The following ZC3H3 variants were observed in gnomAD, a reference collection of about 807,000 sequenced individuals.
ZC3H3 encodes the protein zinc finger CCCH domain-containing protein 3.
In ZC3H3, 36 loss-of-function variants were observed where a neutral mutation model predicts 77.3. The ratio of observed to expected loss-of-function variants is 0.47; its 90% CI spans 0.36 to 0.61. The LOEUF (loss-of-function observed/expected upper bound fraction) is 0.61. ZC3H3 is among the 20% of genes least tolerant of loss of function. The probability of loss-of-function intolerance (pLI) is 0.00; values close to 1 mark genes in which losing one functional copy is unlikely to be tolerated. For synonymous variants in ZC3H3, 626 were observed against 555.2 expected (o/e 1.13, Z -1.79); for missense variants, 1,331 against 1,312.2 (o/e 1.01, Z -0.22).
chr8:143,440,515 C>G lies in ZC3H3; in HGVS notation c.2493-152G>C, dbSNP rs1402352258. The G allele has an allele frequency of 2.3e-5, 32 of 1,384,574 alleles. 1 individual carries two copies. In the South Asian group the frequency reaches 5.6e-4, roughly 24 times the overall value. 85.8% of individuals were successfully genotyped at this position (1,384,574 alleles called of 1,614,324 possible). A position where few individuals can be genotyped will look rare whatever the true frequency, so the allele number is the denominator to read the frequency against. ...GCACAGGTCAGGCCTGGCCCTTGGCCGCAAGGACAGGCTGGGTGCAGGGAT... is the reference window on the plus strand; with the variant it reads ...GCACAGGTCAGGCCTGGCCCTTGGCGGCAAGGACAGGCTGGGTGCAGGGAT... On this transcript the variant is annotated intron_variant, in intron 10 of 11. Transcript: ENST00000262577.
At chr8:143,520,600 T>C (rs1822210979) in intron 3 of ZC3H3, among the ~76,000 whole-genome samples, 1 of 152,162 alleles carries the variant, frequency 6.6e-6, no homozygotes, top group Non-Finnish European at 1.5e-5. Flanking sequence ...AGCTTCTGGC[T>C]GGAGCCAAGT....
chr8:143,520,632 G>A (rs1822212103), intron 3 of ZC3H3, among the ~76,000 whole-genome samples: 1 of 152,200 alleles, frequency 6.6e-6, no homozygotes, highest in South Asian at 2.1e-4. Flanking sequence ...CAATCCTCAG[G>A]CAGAGCCCAG....
chr8:143,507,921 C>T lies in ZC3H3; in HGVS notation c.1562-22G>A. On this transcript the variant is annotated intron_variant, in intron 3 of 11. Coordinates refer to ENST00000262577, the MANE Select transcript of ZC3H3 (RefSeq NM_015117.3). ...GACGCTGTAGAGAAAACCCAGGGCA[C>T]AGACATGGGTCAGGGAAGGCCGGCA... 5 of 1,564,278 alleles carry T rather than the reference C, an allele frequency of 3.2e-6. No homozygotes were observed. In the East Asian group the frequency reaches 7.1e-5, roughly 22 times the overall value.
intron 11 of ZC3H3, among the ~76,000 whole-genome samples, chr8:143,439,782 T>A (rs575624336): frequency 4.4e-4 from 67 of 152,004 alleles, no homozygotes; most frequent in Non-Finnish European, 8.1e-4. Context: ...TGAGGGGGCA[T>A]TTAAAGCTCC....
At chr8:143,529,214 G>A (rs1822519360) in intron 3 of ZC3H3, among the ~76,000 whole-genome samples, 1 of 152,158 alleles carries the variant, frequency 6.6e-6, no homozygotes, top group African/African-American at 2.4e-5. Context: ...CCCATGCACT[G>A]GAATCCACAG....
intron 9 of ZC3H3, among the ~76,000 whole-genome samples, chr8:143,448,090 C>A (rs540682047): frequency 1.3e-5 from 2 of 152,040 alleles, no homozygotes; most frequent in African/African-American, 4.8e-5. Context: ...AGTGCCATTG[C>A]GCTCCAGCCT....
chr8:143,539,440 C>T (rs1822936837), intron 1 of ZC3H3, 120 bp from the exon 2 acceptor site: 1 of 1,098,592 alleles, frequency 9.1e-7, no homozygotes, highest in Non-Finnish European at 1.3e-6. Context: ...TGAGCCCCTG[C>T]CAGTTTCAGG....
At chr8:143,501,914 G>A (rs1821537720) in intron 4 of ZC3H3, among the ~76,000 whole-genome samples, 3 of 152,256 alleles carry the variant, frequency 2.0e-5, no homozygotes, top group Non-Finnish European at 4.4e-5. Flanking sequence ...CTCGAAACCC[G>A]ATGCTGAAGC....
At position 143,475,424 on chromosome 8, in the gene ZC3H3, G is replaced by A. The variant is rs373613798; in HGVS notation, c.1877C>T (p.Ala626Val). Residue 626 changes from alanine (A) to valine (V), a missense_variant, in exon 5 of 12, where the codon GCG becomes GTG. Physicochemically the swap from Ala to Val is moderately conservative, Grantham distance 64. Transcript: ENST00000262577. ...TGTGCGCAGGAGGGGCCTGCTGCCC[G>A]CATCACTGGGCTGGCCGGAGGTCTT... Reference protein sequence around the residue: ...LSKTSGQPSDAGSRPLLRTGR... With the variant: ...LSKTSGQPSDVGSRPLLRTGR... 103 of 1,612,946 alleles carry A rather than the reference G, an allele frequency of 6.4e-5. No individual in the cohort carries two copies. The highest frequency in any genetic ancestry group is 5.3e-4 in the African/African-American group (40 of 75,056).
chr8:143,445,384 G>GA (rs553654651), intron 9 of ZC3H3, among the ~76,000 whole-genome samples: 205 of 19,192 alleles, frequency 0.011, no homozygotes, highest in Middle Eastern at 0.036. Context: ...TTTGTCTTAA[G>GA]AAAAAAAAAA....
At position 143,536,363 on chromosome 8, in the gene ZC3H3, C is replaced by G; in HGVS notation, c.1455G>C (p.Lys485Asn). 1 of 1,601,658 alleles carries G rather than the reference C, an allele frequency of 6.2e-7. No individual in the cohort carries two copies. Among genetic ancestry groups the G allele is most frequent in the Non-Finnish European group, 8.5e-7 (1 of 1,174,246 alleles). The part of the protein sequence containing the change: ...SLRRRQALRG[K>N]SSPVLKKTPN... ...GGGTCTTCTTCAGGACAGGGCTGCT[C>G]TTCCCCCTGAGGGCCTGTCTCCGCC... Residue 485 changes from lysine to asparagine, a missense_variant, in exon 3 of 12, where the codon AAG (lysine) becomes AAC (asparagine). Lys to Asn is a moderately conservative substitution (Grantham distance 94). Transcript: ENST00000262577.
At chr8:143,452,585 T>C (rs1820016618) in intron 9 of ZC3H3, among the ~76,000 whole-genome samples, 1 of 151,530 alleles carries the variant, frequency 6.6e-6, no homozygotes, top group Non-Finnish European at 1.5e-5. Context: ...CTACATGCAA[T>C]ACAAACATGC....
At chr8:143,488,494 C>T (rs888120240) in intron 4 of ZC3H3, among the ~76,000 whole-genome samples, 1 of 149,548 alleles carries the variant, frequency 6.7e-6, no homozygotes. Flanking sequence ...GAACAGCACC[C>T]GCTACACGGC....
At chr8:143,441,408 G>A (rs1476876154) in intron 9 of ZC3H3, among the ~76,000 whole-genome samples, 2 of 152,190 alleles carry the variant, frequency 1.3e-5, no homozygotes, top group Admixed American at 6.5e-5. Flanking sequence ...AGAGCCTGCA[G>A]CCAGGCCATG....
chr8:143,470,715 T>TA (rs1365154689), intron 5 of ZC3H3, among the ~76,000 whole-genome samples: 1 of 152,136 alleles, frequency 6.6e-6, no homozygotes, highest in African/African-American at 2.4e-5. Context: ...TTGTGCTCTT[T>TA]AAAAAAATGC....
intron 3 of ZC3H3, among the ~76,000 whole-genome samples, chr8:143,528,695 G>A (rs1235572821): frequency 2.6e-5 from 4 of 152,214 alleles, no homozygotes; most frequent in Non-Finnish European, 4.4e-5. Flanking sequence ...TTTTCCTCCT[G>A]GTGGGCAGCC....
At chr8:143,446,530 T>C (rs1443667342) in intron 9 of ZC3H3, among the ~76,000 whole-genome samples, 2 of 151,834 alleles carry the variant, frequency 1.3e-5, no homozygotes, top group Admixed American at 1.3e-4. Context: ...ATTCCAAAAA[T>C]CACCAAAAAG....
intron 5 of ZC3H3, among the ~76,000 whole-genome samples, chr8:143,472,811 A>T (rs1820611167): frequency 6.6e-6 from 1 of 152,198 alleles, no homozygotes; most frequent in Non-Finnish European, 1.5e-5. Context: ...TGCAGGGAGA[A>T]TCCCAAGGAC....
chr8:143,522,102 T>C (rs1211502788), intron 3 of ZC3H3, among the ~76,000 whole-genome samples: 3 of 152,186 alleles, frequency 2.0e-5, no homozygotes, highest in Admixed American at 2.0e-4. Context: ...TGACGCCTGG[T>C]CCTCTGTCGG....
Sources: gnomAD v4.1 joint callset for allele counts (sites outside exome capture counted in the v4.1 genomes callset) on GRCh38, gnomAD v4.1.1 for gene constraint, MANE v1.5 for transcripts, NCBI Gene and HGNC (gene_info 2026-07-23, HGNC 2026-07-21) for gene names.